KIAA0825: variants seen among roughly 807,000 people sequenced by gnomAD.
KIAA0825 encodes KIAA0825.
In KIAA0825, 119 loss-of-function variants were observed where a neutral mutation model predicts 147.6. The observed-to-expected ratio is 0.81, with a 90% CI of 0.69 to 0.94. KIAA0825 has a LOEUF of 0.94. Among genes scored for constraint, KIAA0825 ranks in the 40% least tolerant of loss-of-function variants. The pLI is 0.00. For missense variants in KIAA0825, 1,381 were observed against 1,472.7 expected (o/e 0.94, Z 1.02); for synonymous variants, 470 against 518.1 (o/e 0.91, Z 1.26).
intron 2 of KIAA0825, among the ~76,000 whole-genome samples, chr5:94,541,679 A>G (rs1007565444): frequency 2.6e-4 from 40 of 152,224 alleles, no homozygotes; most frequent in African/African-American, 9.6e-4. Flanking sequence ...AAAACTTGTA[A>G]AGGGTTATAA....
At chr5:94,385,565 A>G (rs1313702863) in intron 19 of KIAA0825, among the ~76,000 whole-genome samples, 1 of 152,200 alleles carries the variant, frequency 6.6e-6, no homozygotes, top group Non-Finnish European at 1.5e-5. Flanking sequence ...AAGCCACCAG[A>G]AGAATGAACA....
chr5:94,386,944 G>A (rs1275868109), intron 18 of KIAA0825, among the ~76,000 whole-genome samples: 1 of 152,100 alleles, frequency 6.6e-6, no homozygotes, highest in Admixed American at 6.5e-5. Context: ...AGGCTCAAGA[G>A]AAGCTCAAAA....
intron 20 of KIAA0825, among the ~76,000 whole-genome samples, chr5:94,245,121 AAAC>A (rs1562331882): frequency 2.0e-5 from 3 of 152,192 alleles, no homozygotes; most frequent in African/African-American, 7.2e-5. Flanking sequence ...CCAAAGGCTA[AAAC>A]GTCCCTTGGT....
chr5:94,300,583 A>G (rs1383771322), intron 20 of KIAA0825, among the ~76,000 whole-genome samples: 6 of 152,168 alleles, frequency 3.9e-5, no homozygotes, highest in African/African-American at 1.4e-4. Context: ...GGAAACAGTA[A>G]TAATGTTTCA....
chr5:94,477,683 C>T (rs530619670), intron 6 of KIAA0825, among the ~76,000 whole-genome samples: 2 of 151,892 alleles, frequency 1.3e-5, no homozygotes, highest in Non-Finnish European at 2.9e-5. Context: ...ATCAGCATAA[C>T]GAGAAAAATT....
intron 14 of KIAA0825, among the ~76,000 whole-genome samples, chr5:94,418,061 A>T (rs1753697416): frequency 1.3e-5 from 2 of 152,172 alleles, no homozygotes; most frequent in African/African-American, 4.8e-5. Flanking sequence ...GTGAAATAAT[A>T]ATTTCTGTTT....
intron 20 of KIAA0825, among the ~76,000 whole-genome samples, chr5:94,245,179 A>G (rs1278328008): frequency 6.6e-6 from 1 of 152,208 alleles, no homozygotes; most frequent in Non-Finnish European, 1.5e-5. Flanking sequence ...CCCATGGCTT[A>G]CCTTCCAATA....
At position 94,176,740 on chromosome 5, in the gene KIAA0825, A is replaced by C. The variant is rs376347465; in HGVS notation, c.3711-22616T>G. On this transcript the variant is annotated intron_variant, in intron 20 of 20. Coordinates refer to ENST00000682413, the MANE Select transcript of KIAA0825 (RefSeq NM_001145678.3). ...GGGAATATAACAGATTAATGACCCAATGGAATAAACACTTGACCAGTAAAA... is the reference window on the plus strand; with the variant it reads ...GGGAATATAACAGATTAATGACCCACTGGAATAAACACTTGACCAGTAAAA... 5.9e-5 allele frequency among the ~76,000 whole-genome samples: 9 copies of C among 152,280 alleles called. No individual in the cohort carries two copies. In the South Asian group the frequency reaches 1.9e-3, roughly 32 times the overall value.
At chr5:94,381,397 CA>C (rs1382595691) in intron 20 of KIAA0825, among the ~76,000 whole-genome samples, 4 of 152,150 alleles carry the variant, frequency 2.6e-5, no homozygotes, top group Non-Finnish European at 5.9e-5. Context: ...CACTGAGTTC[CA>C]AAAAGCAAAA....
intron 20 of KIAA0825, among the ~76,000 whole-genome samples, chr5:94,190,348 C>T (rs953115616): frequency 3.3e-5 from 5 of 152,054 alleles, no homozygotes; most frequent in African/African-American, 7.2e-5. Flanking sequence ...TGTTTTGAGA[C>T]GGAGTCTCGC....
chr5:94,161,106 A>C (rs1371285), intron 20 of KIAA0825, among the ~76,000 whole-genome samples: 44,603 of 152,038 alleles, frequency 0.29, 6,718 homozygotes, highest in South Asian at 0.5. Flanking sequence ...ACATTCATGC[A>C]TACCCCACTG....
At chr5:94,564,226 T>C (rs1341223434) in intron 2 of KIAA0825, among the ~76,000 whole-genome samples, 1 of 149,794 alleles carries the variant, frequency 6.7e-6, no homozygotes, top group Non-Finnish European at 1.5e-5. Flanking sequence ...TTTTTTTTTT[T>C]TTTTTTTGCA....
At chr5:94,443,703 T>G (rs758048691) in intron 13 of KIAA0825, among the ~76,000 whole-genome samples, 7 of 152,168 alleles carry the variant, frequency 4.6e-5, no homozygotes, top group Non-Finnish European at 8.8e-5. Flanking sequence ...CTCACATACT[T>G]TCTTCAATTT....
At chr5:94,375,890 C>A (rs184466249) in intron 20 of KIAA0825, among the ~76,000 whole-genome samples, 3 of 152,228 alleles carry the variant, frequency 2.0e-5, no homozygotes. Flanking sequence ...TTACTTTATT[C>A]TAAATAAATG....
intron 1 of KIAA0825, among the ~76,000 whole-genome samples, chr5:94,610,786 A>AATATAT (rs1788592200): frequency 8.8e-6 from 1 of 113,686 alleles, no homozygotes; most frequent in East Asian, 2.0e-4. Context: ...AAAAAAAAAA[A>AATATAT]GTATATATAT....
chr5:94,490,422 T>C (rs1763595421), intron 5 of KIAA0825, among the ~76,000 whole-genome samples: 1 of 152,196 alleles, frequency 6.6e-6, no homozygotes, highest in Non-Finnish European at 1.5e-5. Flanking sequence ...ACATTCCTTA[T>C]AGTATTCTGT....
intron 20 of KIAA0825, among the ~76,000 whole-genome samples, chr5:94,240,971 A>T (rs1306721498): frequency 6.6e-6 from 1 of 152,198 alleles, no homozygotes; most frequent in Non-Finnish European, 1.5e-5. Flanking sequence ...TTGCCTGGTA[A>T]ATAAATGAAT....
chr5:94,408,820 T>G (rs989061945), intron 15 of KIAA0825, among the ~76,000 whole-genome samples: 1 of 152,202 alleles, frequency 6.6e-6, no homozygotes, highest in Non-Finnish European at 1.5e-5. Flanking sequence ...TAAAACTATT[T>G]AAAAAATCAA....
intron 4 of KIAA0825, among the ~76,000 whole-genome samples, chr5:94,522,868 T>C (rs1026479449): frequency 2.6e-5 from 4 of 151,718 alleles, no homozygotes; most frequent in African/African-American, 9.7e-5. Context: ...TTAAAAGCGT[T>C]TGCTTTTAAT....
Sources: allele counts gnomAD v4.1 joint callset (sites outside exome capture counted in the v4.1 genomes callset), GRCh38; gene constraint gnomAD v4.1.1; transcripts MANE v1.5; gene names NCBI Gene and HGNC (gene_info 2026-07-23, HGNC 2026-07-21).